The following ARMCX3 variants were observed in gnomAD, a reference collection of about 807,000 sequenced individuals.
ARMCX3 encodes armadillo repeat containing X-linked 3.
In ARMCX3, 3 loss-of-function variants were observed where a neutral mutation model predicts 12.6. The ratio of observed to expected loss-of-function variants is 0.24; its 90% CI spans 0.11 to 0.61. The LOEUF is 0.61. Ranked by LOEUF, ARMCX3 falls within the 20% of genes least tolerant of loss-of-function variation. The pLI is 0.88. For missense variants in ARMCX3, 204 were observed against 286.1 expected (o/e 0.71, Z 2.07); for synonymous variants, 102 against 103.1 (o/e 0.99, Z 0.06).
At chrX:101,623,977 T>G (rs1443253865) in intron 2 of ARMCX3, 84 bp downstream of exon 2, 1 of 110,604 alleles carries the variant, frequency 9.0e-6, no homozygotes, top group African/African-American at 3.3e-5. Context: ...TCTAGGTACA[T>G]GTCTGAGTCC....
Position 101,626,195 on chromosome X carries a change from G to C in ARMCX3, c.*76G>C, listed in dbSNP as rs1054524989. 16 of 938,067 alleles carry C rather than the reference G, an allele frequency of 1.7e-5. No homozygotes were observed. Among genetic ancestry groups the C allele is most frequent in the Non-Finnish European group, 2.2e-5 (15 of 689,823 alleles). 77.3% of individuals were successfully genotyped at this position (938,067 alleles called of 1,213,427 possible). On this transcript the variant is annotated 3_prime_UTR_variant, in exon 5 of 5. Coordinates refer to ENST00000471229, the MANE Select transcript of ARMCX3 (RefSeq NM_177947.3). ...TCTCCACCTTGTTTATATGGTAAAG[G>C]AATCCTTTCAGCTGCCAGTTTTGAA...
chrX:101,625,548 T>C lies in ARMCX3; in HGVS notation c.569T>C (p.Leu190Ser). Residue 190 changes from leucine to serine, a missense_variant, in exon 5 of 5, where the codon TTG (leucine) becomes TCG (serine). By Grantham distance (145) the Leu-to-Ser change is moderately radical. Coordinates refer to ENST00000471229, the MANE Select transcript of ARMCX3 (RefSeq NM_177947.3). The stretch of plus-strand genomic sequence containing the variant: ...AAGGCTTTAATTGTCCTGAATAACT[T>C]GAGTGTGAATGCTGAAAATCAGCGC... ...KEKALIVLNNLSVNAENQRRL... is the reference protein window; with the variant it reads ...KEKALIVLNNSSVNAENQRRL... 8.3e-7 allele frequency: 1 copy of C among 1,207,293 alleles called. No homozygotes were observed. The highest frequency in any genetic ancestry group is 1.1e-6 in the Non-Finnish European group (1 of 893,824).
chrX:101,626,153 T>C lies in ARMCX3; in HGVS notation c.*34T>C. ...TTTTGTAATTTAGAAGCAACACACA[T>C]TGTAAACTATTCATTTTCTCCACCT... is the stretch of plus-strand genomic sequence containing the variant. On this transcript the variant is annotated 3_prime_UTR_variant, in exon 5 of 5. Coordinates refer to ENST00000471229, the MANE Select transcript of ARMCX3 (RefSeq NM_177947.3). The C allele has an allele frequency of 1.8e-6, 2 of 1,089,471 alleles. No individual in the cohort carries two copies. The highest frequency in any genetic ancestry group is 4.7e-5 in the South Asian group (2 of 42,872). The allele number at this position is 1,089,471 out of a possible 1,213,427, so 89.8% of individuals were successfully genotyped here. A position where few individuals can be genotyped will look rare whatever the true frequency, so the allele number is the denominator to read the frequency against.
In ARMCX3 at chrX:101,625,741, G is replaced by A; in HGVS notation, c.762G>A (p.Ala254=). The change falls in exon 5 of 5, where the codon GCG becomes GCA. Residue 254 remains alanine, a synonymous_variant. Coordinates refer to ENST00000471229, the MANE Select transcript of ARMCX3 (RefSeq NM_177947.3). ...SISDFFRLFS[A]GNEETKLQVL... ...CTGACTTTTTTCGTTTATTTTCAGC[G>A]GGAAATGAAGAAACCAAACTTCAGG... 4.3e-6 allele frequency: 5 copies of A among 1,175,885 alleles called. No homozygotes were observed. The highest frequency in any genetic ancestry group is 5.7e-6 in the Non-Finnish European group (5 of 880,935).
Position 101,624,826 on chromosome X carries a change from A to G in ARMCX3, c.-146-8A>G, listed in dbSNP as rs1454812524. 1 of 436,113 alleles carries G rather than the reference A, an allele frequency of 2.3e-6. No individual in the cohort carries two copies. The highest frequency in any genetic ancestry group is 2.5e-5 in the African/African-American group (1 of 39,773). 35.9% of individuals were successfully genotyped at this position (436,113 alleles called of 1,213,427 possible). On this transcript the variant is annotated splice_polypyrimidine_tract_variant and splice_region_variant and intron_variant, in intron 4 of 4. Transcript: ENST00000471229. The stretch of plus-strand genomic sequence containing the variant: ...AACTCAAACCCAATTTTCTTCTTCC[A>G]CTCCTAGGTCAACCCCCAGAATCAG...
intron 1 of ARMCX3, 99 bp downstream of exon 1, chrX:101,623,375 C>T (rs1378445178): frequency 6.2e-5 from 7 of 113,070 alleles, no homozygotes; most frequent in Non-Finnish European, 1.1e-4. Flanking sequence ...TCCCACTCGC[C>T]GCCCGCTTTC....
In ARMCX3 at chrX:101,624,971, G is replaced by A; in HGVS notation, c.-9G>A. The A allele has an allele frequency of 8.9e-7, 1 of 1,125,461 alleles. No individual in the cohort carries two copies. Among genetic ancestry groups the A allele is most frequent in the Non-Finnish European group, 1.2e-6 (1 of 855,529 alleles). The allele number at this position is 1,125,461 out of a possible 1,213,427, so 92.8% of individuals were successfully genotyped here. A position where few individuals can be genotyped will look rare whatever the true frequency, so the allele number is the denominator to read the frequency against. ...TTCCTTGGTCCCTGCTATTGTCGGG[G>A]ACGATTGCATGGGCTACGCCAGGAA... On this transcript the variant is annotated 5_prime_UTR_variant, in exon 5 of 5. Transcript: ENST00000471229.
At position 101,625,761 on chromosome X, in the gene ARMCX3, TTCAGGTTCTGAAAC is replaced by T. The variant is rs782450932; in HGVS notation, c.785_798del (p.Gln262ProfsTer6). On this transcript the variant is annotated frameshift_variant, in exon 5 of 5. Transcript: ENST00000471229. LOFTEE classifies it high-confidence loss of function. ...TCAGCGGGAAATGAAGAAACCAAAC[TTCAGGTTCTGAAAC>T]TCCTTTTGAATTTGGCTGAAAATCC... 8.5e-7 allele frequency: 1 copy of T among 1,179,378 alleles called. No homozygotes were observed. Among genetic ancestry groups the T allele is most frequent in the African/African-American group, 1.8e-5 (1 of 55,317 alleles).
At chrX:101,623,514 G>C (rs1416438743) in intron 1 of ARMCX3, 1 of 112,645 alleles carries the variant, frequency 8.9e-6, no homozygotes, top group East Asian at 2.8e-4. Flanking sequence ...TCCGGAAAGG[G>C]AGCTGTGGCC....
At chrX:101,623,516 G>A (rs1358373830) in intron 1 of ARMCX3, 8 of 112,635 alleles carry the variant, frequency 7.1e-5, no homozygotes, top group Non-Finnish European at 1.1e-4. Context: ...CGGAAAGGGA[G>A]CTGTGGCCTG....
chrX:101,626,076 T>A lies in ARMCX3; in HGVS notation c.1097T>A (p.Met366Lys), dbSNP rs1182075910. 1 of 1,190,561 alleles carries A rather than the reference T, an allele frequency of 8.4e-7. No individual in the cohort carries two copies. Among genetic ancestry groups the A allele is most frequent in the Non-Finnish European group, 1.1e-6 (1 of 888,441 alleles). The change falls in exon 5 of 5, where the codon ATG (methionine) becomes AAG (lysine). Residue 366 changes from methionine (M) to lysine (K), a missense_variant. Met to Lys is a moderately conservative substitution (Grantham distance 95, BLOSUM62 -1). Transcript: ENST00000471229. ...FLVKVKVGKF[M>K]AKLAEHMFPK... ...GTGAAAGTAAAAGTTGGAAAATTCA[T>A]GGCCAAACTTGCTGAACATATGTTC...
Position 101,625,292 on chromosome X carries a change from G to A in ARMCX3, c.313G>A (p.Val105Ile). Reference sequence around the variant, plus strand: ...CAGGGCTACCCGGGCACGTCGGGCTGTCCAGAAACGGGCTTCCCCCAATTC... The same window carrying A: ...CAGGGCTACCCGGGCACGTCGGGCTATCCAGAAACGGGCTTCCCCCAATTC... ...RARATRARRA[V>I]QKRASPNSDD... Residue 105 changes from valine (V) to isoleucine (I), a missense_variant, in exon 5 of 5, where the codon GTC (valine) becomes ATC (isoleucine). By Grantham distance (29) the Val-to-Ile change is conservative (BLOSUM62 3). Coordinates refer to ENST00000471229, the MANE Select transcript of ARMCX3 (RefSeq NM_177947.3). 1 of 1,208,716 alleles carries A rather than the reference G, an allele frequency of 8.3e-7. No homozygotes were observed. Among genetic ancestry groups the A allele is most frequent in the Admixed American group, 2.2e-5 (1 of 45,710 alleles).
In ARMCX3 at chrX:101,625,437, C is replaced by A; in HGVS notation, c.458C>A (p.Ala153Glu). 1 of 1,204,746 alleles carries A rather than the reference C, an allele frequency of 8.3e-7. No homozygotes were observed. Among genetic ancestry groups the A allele is most frequent in the Non-Finnish European group, 1.1e-6 (1 of 892,153 alleles). The change falls in exon 5 of 5, where the codon GCA becomes GAA. Residue 153 changes from alanine to glutamate, a missense_variant. Ala to Glu is a moderately radical substitution (Grantham distance 107). Coordinates refer to ENST00000471229, the MANE Select transcript of ARMCX3 (RefSeq NM_177947.3). ...LIALGNNAAY[A>E]FNRDIIRDLG... ...GCTCTGGGTAACAATGCTGCTTATG[C>A]ATTTAACAGAGATATTATTCGTGAT...
chrX:101,624,780 G>C, intron 4 of ARMCX3, 54 bp from the exon 5 acceptor site: 2 of 324,863 alleles, frequency 6.2e-6, no homozygotes, highest in Non-Finnish European at 1.1e-5. Flanking sequence ...TCCCTGCATG[G>C]GGCAACACAA....
rs1280208278 is a variant in ARMCX3, at chrX:101,626,976, G to C, written c.*857G>C. The C allele has an allele frequency of 8.1e-6, 1 of 123,173 alleles. No individual in the cohort carries two copies. Among genetic ancestry groups the C allele is most frequent in the Non-Finnish European group, 1.9e-5 (1 of 53,191 alleles). 10.2% of individuals were successfully genotyped at this position (123,173 alleles called of 1,213,427 possible). ...TCTATTACTGAGTAGTGTCAATGAGGGTGTGGCAAAATGGAGCCTTTCACA... is the reference window on the plus strand; with the variant it reads ...TCTATTACTGAGTAGTGTCAATGAGCGTGTGGCAAAATGGAGCCTTTCACA... On this transcript the variant is annotated 3_prime_UTR_variant, in exon 5 of 5. Transcript: ENST00000471229.
Position 101,625,625 on chromosome X carries a change from T to C in ARMCX3, c.646T>C (p.Leu216=), listed in dbSNP as rs1556038520. The C allele has an allele frequency of 4.2e-6, 5 of 1,195,381 alleles. No homozygotes were observed. The South Asian group carries it at 9.4e-5, about 22-fold the overall frequency. Residue 216 remains leucine, a synonymous_variant, in exon 5 of 5, where the codon TTG becomes CTG. Transcript: ENST00000471229. The part of the protein sequence containing the change: ...QVCDDTITSR[L]NSSVQLAGLR... Reference sequence around the variant, plus strand: ...GTGTGATGACACAATCACTTCTCGCTTGAACTCATCTGTGCAGCTTGCTGG... The same window carrying C: ...GTGTGATGACACAATCACTTCTCGCCTGAACTCATCTGTGCAGCTTGCTGG...
At position 101,625,704 on chromosome X, in the gene ARMCX3, C is replaced by A; in HGVS notation, c.725C>A (p.Ala242Asp). The change falls in exon 5 of 5, where the codon GCT becomes GAT. Residue 242 changes from alanine (A) to aspartate (D), a missense_variant. Transcript: ENST00000471229. ...TVTNEYQHMLANSISDFFRLF... is the reference protein window; with the variant it reads ...TVTNEYQHMLDNSISDFFRLF... The stretch of plus-strand genomic sequence containing the variant: ...ACTAATGAGTATCAGCACATGCTTG[C>A]TAATTCCATTTCTGACTTTTTTCGT... 1 of 1,181,966 alleles carries A rather than the reference C, an allele frequency of 8.5e-7. No homozygotes were observed.
rs2147766172 is a variant in ARMCX3, at chrX:101,624,227, G to A, written c.-218+9G>A. On this transcript the variant is annotated intron_variant, in intron 3 of 4. Transcript: ENST00000471229. ...TCCTCCGATCAGTAGAGGTCGGTGT[G>A]GGCGTGGGGGCTGCCTGGAATGGGG... 9.1e-6 allele frequency: 1 copy of A among 110,228 alleles called. No homozygotes were observed. Among genetic ancestry groups the A allele is most frequent in the East Asian group, 2.9e-4 (1 of 3,478 alleles). The allele number at this position is 110,228 out of a possible 1,213,427, so 9.1% of individuals were successfully genotyped here. A position where few individuals can be genotyped will look rare whatever the true frequency, so the allele number is the denominator to read the frequency against.
At position 101,627,091 on chromosome X, in the gene ARMCX3, AT is replaced by A. The variant is rs1303342654; in HGVS notation, c.*974del. Reference sequence around the variant, plus strand: ...GAAGTAATTGAATAATTGCCCAAAGATTGTATGTATGAGGCTGTTCATCCCA... The same window carrying A: ...GAAGTAATTGAATAATTGCCCAAAGATGTATGTATGAGGCTGTTCATCCCA... On this transcript the variant is annotated 3_prime_UTR_variant, in exon 5 of 5. Transcript: ENST00000471229. 1.6e-5 allele frequency: 2 copies of A among 123,155 alleles called. No homozygotes were observed. Among genetic ancestry groups the A allele is most frequent in the African/African-American group, 6.5e-5 (2 of 30,710 alleles). The allele number at this position is 123,155 out of a possible 1,213,427, so 10.1% of individuals were successfully genotyped here.
Sources: allele counts gnomAD v4.1 joint callset, GRCh38; gene constraint gnomAD v4.1.1; transcripts MANE v1.5; gene names NCBI Gene and HGNC (gene_info 2026-07-23, HGNC 2026-07-21).